ZNF469: variants seen among roughly 807,000 people sequenced by gnomAD.
ZNF469 encodes the protein zinc finger protein 469.
Under a neutral mutation model 1.0 loss-of-function variants are expected in ZNF469, and 1 was observed. The observed-to-expected ratio is 1.00, with a 90% CI of 0.35 to 4.73. ZNF469 has a LOEUF of 4.73. Among genes scored for constraint, ZNF469 ranks in the 30% most tolerant of loss-of-function variants. The pLI is 0.16. For synonymous variants in ZNF469, 2,703 were observed against 2,363.4 expected (o/e 1.14, Z -4.17); for missense variants, 6,100 against 5,356.3 (o/e 1.14, Z -4.33).
the ZNF469 span, among the ~76,000 whole-genome samples, chr16:88,137,370 TG>T: frequency 1.1e-4 from 16 of 151,746 alleles, no homozygotes; most frequent in Admixed American, 9.2e-4. Context: ...CAGTCATATG[TG>T]CATACCACCA....
At chr16:88,111,927 G>A in the ZNF469 span, among the ~76,000 whole-genome samples, 8 of 152,230 alleles carry the variant, frequency 5.3e-5, no homozygotes, top group East Asian at 1.3e-3. Context: ...GAGCCACCGC[G>A]CCCGGCCAAA....
At chr16:88,315,188 A>G in the ZNF469 span, among the ~76,000 whole-genome samples, 1 of 152,190 alleles carries the variant, frequency 6.6e-6, no homozygotes, top group Non-Finnish European at 1.5e-5. Context: ...CTCCAGGGCA[A>G]GTCACCTAAG....
chr16:88,438,989 C>T lies in ZNF469; in HGVS notation c.11519C>T (p.Ala3840Val). Residue 3840 changes from alanine (A) to valine (V), a missense_variant, in exon 3 of 3, where the codon GCC becomes GTC. Coordinates refer to ENST00000565624, the MANE Select transcript of ZNF469 (RefSeq NM_001367624.2). ...SVGSFGRAPS[A>V]PDKPPRTPRK... ...GGGAGCTTCGGGAGAGCCCCCTCAG[C>T]CCCTGACAAGCCCCCCCGGACCCCT... The T allele has an allele frequency of 6.5e-7, 1 of 1,550,368 alleles. No individual in the cohort carries two copies. The highest frequency in any genetic ancestry group is 8.7e-7 in the Non-Finnish European group (1 of 1,146,968).
chr16:88,212,571 T>A, the ZNF469 span, among the ~76,000 whole-genome samples: 1 of 152,202 alleles, frequency 6.6e-6, no homozygotes, highest in African/African-American at 2.4e-5. Flanking sequence ...CTTTCTTCCC[T>A]TATTTATTTA....
In ZNF469 at chr16:88,432,692, G is replaced by A. The variant is rs1459191904; in HGVS notation, c.5222G>A (p.Cys1741Tyr). The A allele has an allele frequency of 1.3e-6, 2 of 1,550,418 alleles. No homozygotes were observed. Among genetic ancestry groups the A allele is most frequent in the Admixed American group, 2.0e-5 (1 of 51,012 alleles). The stretch of plus-strand genomic sequence containing the variant: ...CTGGATGCCGGGAGTTTAGCAAAGT[G>A]CAGCCCCGACCAGGAACTTTCATTT... ...PQLDAGSLAK[C>Y]SPDQELSFPK... The change falls in exon 3 of 3, where the codon TGC becomes TAC. Residue 1741 changes from cysteine (C) to tyrosine (Y), a missense_variant. Cys to Tyr is a radical substitution (Grantham distance 194). Coordinates refer to ENST00000565624, the MANE Select transcript of ZNF469 (RefSeq NM_001367624.2).
the ZNF469 span, among the ~76,000 whole-genome samples, chr16:88,280,326 T>G: frequency 6.6e-6 from 1 of 151,882 alleles, no homozygotes; most frequent in Non-Finnish European, 1.5e-5. Flanking sequence ...AGTGCACAGT[T>G]AGTGCTGCGC....
chr16:88,162,301 A>G, the ZNF469 span, among the ~76,000 whole-genome samples: 2 of 151,822 alleles, frequency 1.3e-5, no homozygotes, highest in Non-Finnish European at 2.9e-5. Context: ...AAAATTCAAC[A>G]CTGAAAAAAA....
the ZNF469 span, among the ~76,000 whole-genome samples, chr16:88,297,095 G>T: frequency 2.0e-5 from 3 of 152,362 alleles, no homozygotes; most frequent in South Asian, 6.2e-4. Context: ...CCAGCGGCAG[G>T]CACCAAAACA....
At chr16:88,344,028 G>C in the ZNF469 span, among the ~76,000 whole-genome samples, 5 of 151,982 alleles carry the variant, frequency 3.3e-5, no homozygotes, top group Admixed American at 1.3e-4. Flanking sequence ...TTCACCCCTG[G>C]GGTCTCTGTC....
At chr16:88,183,923 G>C in the ZNF469 span, among the ~76,000 whole-genome samples, 7,341 of 152,050 alleles carry the variant, frequency 0.048, 265 homozygotes, top group South Asian at 0.088. Flanking sequence ...GGGAGGTCCT[G>C]TAGGGAGTGG....
chr16:88,229,535 T>C, the ZNF469 span, among the ~76,000 whole-genome samples: 10 of 145,082 alleles, frequency 6.9e-5, no homozygotes, highest in South Asian at 4.4e-4. Flanking sequence ...TGTGCTGATG[T>C]CACGCGTGTG....
chr16:88,417,486 T>A (rs1031626337), intron 1 of ZNF469, among the ~76,000 whole-genome samples: 6 of 152,228 alleles, frequency 3.9e-5, no homozygotes, highest in African/African-American at 1.4e-4. Flanking sequence ...CCCGCCTGGC[T>A]GTATTCACCT....
At chr16:88,101,392 C>T in the ZNF469 span, among the ~76,000 whole-genome samples, 3 of 152,186 alleles carry the variant, frequency 2.0e-5, no homozygotes, top group East Asian at 3.8e-4. Context: ...GCGTCCTCCC[C>T]AATTAATGAT....
At position 88,432,279 on chromosome 16, in the gene ZNF469, A is replaced by G. The variant is rs1906251821; in HGVS notation, c.4809A>G (p.Thr1603=). The G allele has an allele frequency of 6.5e-7, 1 of 1,547,446 alleles. No individual in the cohort carries two copies. ...GCAGGGTGGAGCTCGGCACAGGCAC[A>G]GAGCCACCCTCCCAACGGCGCACCT... is the stretch of plus-strand genomic sequence containing the variant. ...SVGRVELGTG[T]EPPSQRRTCQ... The change falls in exon 3 of 3, where the codon ACA becomes ACG. Residue 1603 remains threonine (T), a synonymous_variant. Transcript: ENST00000565624.
the ZNF469 span, among the ~76,000 whole-genome samples, chr16:88,113,023 C>T: frequency 1.3e-5 from 2 of 152,020 alleles, no homozygotes; most frequent in South Asian, 4.2e-4. Flanking sequence ...CGTGATCCAC[C>T]CGCCTTGGCC....
the ZNF469 span, among the ~76,000 whole-genome samples, chr16:88,152,074 G>T: frequency 6.6e-6 from 1 of 152,268 alleles, no homozygotes; most frequent in Admixed American, 6.5e-5. This position sits in a 1 kb window ranked among gnomAD's most constrained non-coding sequence, Gnocchi z 4.2. Context: ...AAGCCCCACA[G>T]AGAGAGCTGG....
the ZNF469 span, among the ~76,000 whole-genome samples, chr16:88,279,426 C>A: frequency 1.4e-5 from 2 of 147,720 alleles, no homozygotes; most frequent in Non-Finnish European, 3.0e-5. Flanking sequence ...CACTGACACT[C>A]GGTCAGTACC....
the ZNF469 span, among the ~76,000 whole-genome samples, chr16:88,251,124 C>T: frequency 2.0e-5 from 3 of 152,240 alleles, no homozygotes; most frequent in Non-Finnish European, 4.4e-5. Flanking sequence ...GTGATCCACC[C>T]GCCTCAGCCT....
chr16:88,338,974 G>A, the ZNF469 span, among the ~76,000 whole-genome samples: 1 of 151,902 alleles, frequency 6.6e-6, no homozygotes, highest in African/African-American at 2.4e-5. Flanking sequence ...TGTTCTGGAA[G>A]CCCCAGAGAA....
Sources: gnomAD v4.1 joint callset for allele counts (sites outside exome capture counted in the v4.1 genomes callset) on GRCh38, gnomAD v4.1.1 for gene constraint, Gnocchi (gnomAD v3.1) non-coding constraint, MANE v1.5 for transcripts, NCBI Gene and HGNC (gene_info 2026-07-23, HGNC 2026-07-21) for gene names.